Variants in ADAP1 observed in about 807,000 individuals in gnomAD.
The protein encoded by ADAP1 is arf-GAP with dual PH domain-containing protein 1.
Under a neutral mutation model 54.9 loss-of-function variants are expected in ADAP1, and 31 were observed. That is an observed-to-expected ratio of 0.56 (90% CI 0.42 to 0.76). The LOEUF (loss-of-function observed/expected upper bound fraction) is 0.76, where lower values mean the gene tolerates loss of function less well. Among genes scored for constraint, ADAP1 ranks in the 30% least tolerant of loss-of-function variants. The pLI is 0.00. For synonymous variants in ADAP1, 313 were observed against 202.6 expected, an observed-to-expected ratio of 1.55 and a Z score of -4.63; for missense variants, 535 against 512.4, an observed-to-expected ratio of 1.04 and a Z score of -0.42.
At chr7:935,339 G>A (rs370430900) in intron 2 of ADAP1, 36 bp downstream of exon 2, 6 of 1,545,396 alleles carry the variant, frequency 3.9e-6, no homozygotes, top group East Asian at 2.4e-5. Context: ...GCCACCCGGG[G>A]ACTGCGCGGG....
chr7:905,185 G>C lies in ADAP1; in HGVS notation c.389-13C>G, dbSNP rs771936620. ...CCCTCACGGTACCCTGTGGGGGAAA[G>C]GGGACACGAGTCGGTGACAGTGGAT... is the stretch of plus-strand genomic sequence containing the variant. On this transcript the variant is annotated splice_polypyrimidine_tract_variant and intron_variant, in intron 4 of 10. Transcript: ENST00000265846. The C allele has an allele frequency of 3.1e-6, 5 of 1,605,812 alleles. No homozygotes were observed. The East Asian group carries it at 1.1e-4, about 36-fold the overall frequency.
chr7:919,606 G>A (rs557119928), intron 4 of ADAP1, among the ~76,000 whole-genome samples: 3 of 141,760 alleles, frequency 2.1e-5, no homozygotes, highest in African/African-American at 8.1e-5. Context: ...AAGAGAGACA[G>A]AGAATGAGAG....
chr7:920,862 C>G lies in ADAP1; in HGVS notation c.306-812G>C. The G allele has an allele frequency of 1.9e-6, 3 of 1,550,200 alleles. No homozygotes were observed. The highest frequency in any genetic ancestry group is 2.6e-6 in the Non-Finnish European group (3 of 1,146,874). ...CGGCCCAGGTGCACAGGCAGCCGCC[C>G]CAGCCTTTTCCACTCCCAGGGAATT... On this transcript the variant is annotated intron_variant, in intron 3 of 10. Transcript: ENST00000265846. This position sits in a 1 kb window ranked among gnomAD's most constrained non-coding sequence, Gnocchi z 4.5.
chr7:954,222 G>T (rs1562940612), intron 1 of ADAP1, among the ~76,000 whole-genome samples, 174 bp downstream of exon 1: 1 of 151,472 alleles, frequency 6.6e-6, no homozygotes, highest in Admixed American at 6.6e-5. Flanking sequence ...GTCCCCGCAG[G>T]TGCAGCCGGG....
Position 905,169 on chromosome 7 carries a change from T to C in ADAP1, c.392A>G (p.Tyr131Cys), listed in dbSNP as rs779632358. ...ACGCTTCCAGAGAAAACCCTCACGGTACCCTGTGGGGGAAAGGGGACACGA... is the reference window on the plus strand; with the variant it reads ...ACGCTTCCAGAGAAAACCCTCACGGCACCCTGTGGGGGAAAGGGGACACGA... ...PEKQEPYSAG[Y>C]REGFLWKRGR... is the part of the protein sequence containing the mutation. Residue 131 changes from tyrosine (Y) to cysteine (C), a missense_variant, in exon 5 of 11, where the codon TAC becomes TGC. Transcript: ENST00000265846. The C allele has an allele frequency of 7.5e-5, 120 of 1,610,136 alleles. No individual in the cohort carries two copies. The highest frequency in any genetic ancestry group is 1.0e-4 in the Non-Finnish European group (118 of 1,179,030).
intron 6 of ADAP1, 43 bp from the exon 7 acceptor site, chr7:900,659 A>AGG (rs746582877): frequency 0.044 from 64,609 of 1,480,182 alleles, 4,993 homozygotes; most frequent in Admixed American, 0.06. Flanking sequence ...AGGAGGCTGC[A>AGG]GCGCTGGGGT....
At chr7:906,848 G>A (rs559218082) in intron 4 of ADAP1, among the ~76,000 whole-genome samples, 2 of 121,360 alleles carry the variant, frequency 1.6e-5, no homozygotes, top group Admixed American at 8.6e-5. Context: ...GGTTGGTGAG[G>A]GGATATGACA....
intron 3 of ADAP1, among the ~76,000 whole-genome samples, chr7:922,668 T>C (rs1301158189): frequency 6.6e-6 from 1 of 151,330 alleles, no homozygotes; most frequent in African/African-American, 2.4e-5. Context: ...ATCAACACCC[T>C]TCCTGGAGGC....
chr7:921,610 G>A (rs1255503352), intron 3 of ADAP1, among the ~76,000 whole-genome samples: 1 of 152,190 alleles, frequency 6.6e-6, no homozygotes, highest in Non-Finnish European at 1.5e-5. Context: ...CCTCGCGTCC[G>A]GCCCCTATTT....
chr7:927,527 T>C, intron 2 of ADAP1: 1 of 469,948 alleles, frequency 2.1e-6, no homozygotes, highest in Non-Finnish European at 4.4e-6. Flanking sequence ...CCAGCCAGAC[T>C]GAAGTCCCCT....
At chr7:934,908 C>A (rs899551364) in intron 2 of ADAP1, among the ~76,000 whole-genome samples, 1 of 152,210 alleles carries the variant, frequency 6.6e-6, no homozygotes, top group East Asian at 1.9e-4. Flanking sequence ...GCCCAGGGGA[C>A]AGGTAATGGT....
chr7:899,615 G>T, intron 8 of ADAP1, 125 bp from the exon 9 acceptor site: 2 of 1,117,256 alleles, frequency 1.8e-6, no homozygotes, highest in Admixed American at 2.6e-5. Context: ...ATTCACTCAC[G>T]CCTGCCGCTG....
In ADAP1 at chr7:935,496, C is replaced by A; in HGVS notation, c.92G>T (p.Trp31Leu). 1.3e-6 allele frequency: 2 copies of A among 1,563,086 alleles called. No individual in the cohort carries two copies. The highest frequency in any genetic ancestry group is 1.7e-6 in the Non-Finnish European group (2 of 1,153,984). ...CADCGAPDPD[W>L]ASYTLGVFIC... Reference sequence around the variant, plus strand: ...GAAGACGCCCAGAGTGTAGGAGGCCCAGTCGGGATCTGCAAGGGAAAGCCG... The same window carrying A: ...GAAGACGCCCAGAGTGTAGGAGGCCAAGTCGGGATCTGCAAGGGAAAGCCG... The change falls in exon 2 of 11, where the codon TGG (tryptophan) becomes TTG (leucine). Residue 31 changes from tryptophan (W) to leucine (L), a missense_variant. Trp to Leu is a moderately conservative substitution (Grantham distance 61). Transcript: ENST00000265846.
chr7:902,088 G>A lies in ADAP1; in HGVS notation c.649-1472C>T, dbSNP rs374812020. 3.1e-4 allele frequency among the ~76,000 whole-genome samples: 47 copies of A among 152,116 alleles called. No individual in the cohort carries two copies. In the East Asian group the frequency reaches 6.6e-3, roughly 22 times the overall value. ...TGGGGGCCAAGCGTCTGCCCTGGGC[G>A]GGGGGAATTATCTTTGGAGGATCAG... On this transcript the variant is annotated intron_variant, in intron 6 of 10. Coordinates refer to ENST00000265846, the MANE Select transcript of ADAP1 (RefSeq NM_006869.4).
At chr7:917,822 G>A (rs763769920) in intron 4 of ADAP1, among the ~76,000 whole-genome samples, 125 of 152,268 alleles carry the variant, frequency 8.2e-4, no homozygotes, top group Non-Finnish European at 1.2e-3. Flanking sequence ...CCAGGCTGGA[G>A]TGTAGTGGTG....
intron 4 of ADAP1, among the ~76,000 whole-genome samples, chr7:919,276 C>A (rs1244463720): frequency 6.6e-6 from 1 of 152,228 alleles, no homozygotes; most frequent in Non-Finnish European, 1.5e-5. Context: ...CCTGCCCACA[C>A]TGCTGGAGAC....
intron 2 of ADAP1, among the ~76,000 whole-genome samples, chr7:930,101 CA>C (rs1170304660): frequency 0.027 from 883 of 33,248 alleles, 2 homozygotes; most frequent in African/African-American, 0.054. Flanking sequence ...AAGACTGTCT[CA>C]AAAAAAAAAA....
chr7:933,589 A>G (rs552644140), intron 2 of ADAP1, among the ~76,000 whole-genome samples: 2 of 55,356 alleles, frequency 3.6e-5, no homozygotes, highest in African/African-American at 9.5e-5. Context: ...AGAGCCGGGG[A>G]CCGGGGTCAG....
At chr7:944,325 G>A (rs1847085914) in intron 1 of ADAP1, among the ~76,000 whole-genome samples, 1 of 149,798 alleles carries the variant, frequency 6.7e-6, no homozygotes, top group Non-Finnish European at 1.5e-5. Context: ...TGCAATCTTG[G>A]CTCACTGCAA....
Sources: gnomAD v4.1 joint callset for allele counts (sites outside exome capture counted in the v4.1 genomes callset) on GRCh38, gnomAD v4.1.1 for gene constraint, Gnocchi (gnomAD v3.1) non-coding constraint, MANE v1.5 for transcripts, NCBI Gene and HGNC (gene_info 2026-07-23, HGNC 2026-07-21) for gene names.